Variants in ZNG1F observed in about 807,000 individuals in gnomAD.
ZNG1F encodes Zn regulated GTPase metalloprotein activator 1F, also known as zinc-regulated GTPase metalloprotein activator 1F.
At chr9:41,174,150 A>T in the ZNG1F span, 6 of 545,382 alleles carry the variant, frequency 1.1e-5, no homozygotes, top group Admixed American at 1.9e-4. Context: ...TGAACCCAGG[A>T]GGTAAAGGTT....
the ZNG1F span, among the ~76,000 whole-genome samples, chr9:41,187,203 T>C: frequency 3.5e-5 from 5 of 141,460 alleles, no homozygotes; most frequent in Non-Finnish European, 4.7e-5. Flanking sequence ...TGCTGGGCCT[T>C]GGTGAAAAAG....
the ZNG1F span, among the ~76,000 whole-genome samples, chr9:41,139,850 A>T: frequency 4.0e-5 from 6 of 151,736 alleles, no homozygotes; most frequent in African/African-American, 1.5e-4. Context: ...ACTAAGTGAA[A>T]TAAGCCAGTC....
At chr9:41,141,956 TACTC>T in the ZNG1F span, among the ~76,000 whole-genome samples, 3 of 139,008 alleles carry the variant, frequency 2.2e-5, no homozygotes, top group Non-Finnish European at 4.7e-5. Flanking sequence ...TTCTGATCCA[TACTC>T]AGTCAGACAG....
the ZNG1F span, among the ~76,000 whole-genome samples, chr9:41,146,571 A>G: frequency 5.2e-5 from 1 of 19,248 alleles, no homozygotes; most frequent in African/African-American, 1.0e-4. Context: ...ATCGGAAATC[A>G]TCTTGCACAT....
chr9:41,204,388 T>TTATATATATATATA, the ZNG1F span, among the ~76,000 whole-genome samples: 10 of 20,216 alleles, frequency 4.9e-4, no homozygotes, highest in African/African-American at 7.3e-4. Context: ...AATTTTTATT[T>TTATATATATATATA]TATATATATA....
the ZNG1F span, chr9:41,145,547 T>C: frequency 1.6e-6 from 1 of 608,334 alleles, no homozygotes; most frequent in Non-Finnish European, 2.7e-6. Context: ...CACATTCATA[T>C]ATATACATAT....
At chr9:41,141,202 A>T in the ZNG1F span, among the ~76,000 whole-genome samples, 2 of 151,706 alleles carry the variant, frequency 1.3e-5, no homozygotes, top group Non-Finnish European at 2.9e-5. Context: ...AACTCTTTTC[A>T]TGTTAGAAAA....
At chr9:41,132,194 T>C in the ZNG1F span, 12 of 1,595,884 alleles carry the variant, frequency 7.5e-6, 1 homozygote, top group African/African-American at 1.4e-5. Flanking sequence ...TATTTTTCAC[T>C]TTGTTTCAAA....
chr9:41,174,210 A>T, the ZNG1F span: 1 of 1,368,906 alleles, frequency 7.3e-7, no homozygotes, highest in African/African-American at 1.7e-5. Flanking sequence ...CAGTCTGGGC[A>T]ACAAAGTGAG....
chr9:41,201,381 T>A, the ZNG1F span, among the ~76,000 whole-genome samples: 1 of 129,768 alleles, frequency 7.7e-6, no homozygotes, highest in Non-Finnish European at 1.6e-5. Context: ...ACAGAGACAA[T>A]GGGGGAAGAG....
At chr9:41,139,549 G>A in the ZNG1F span, among the ~76,000 whole-genome samples, 5 of 149,688 alleles carry the variant, frequency 3.3e-5, no homozygotes, top group African/African-American at 1.2e-4. Context: ...CCAAAAACAT[G>A]AGATATTTAA....
the ZNG1F span, among the ~76,000 whole-genome samples, chr9:41,139,575 G>A: frequency 6.6e-6 from 1 of 150,586 alleles, no homozygotes; most frequent in South Asian, 2.1e-4. Flanking sequence ...ACTGTTACTA[G>A]TAATAGGAAA....
chr9:41,149,738 C>T, the ZNG1F span, among the ~76,000 whole-genome samples: 2 of 151,060 alleles, frequency 1.3e-5, no homozygotes, highest in African/African-American at 4.9e-5. Context: ...GTGAAACGTT[C>T]CAGAGATCTG....
chr9:41,189,881 CATT>C, the ZNG1F span, among the ~76,000 whole-genome samples: 1 of 66,486 alleles, frequency 1.5e-5, no homozygotes. Context: ...ACTTTTTTCT[CATT>C]ATTTATTTGG....
At chr9:41,140,080 TA>T in the ZNG1F span, among the ~76,000 whole-genome samples, 1 of 143,124 alleles carries the variant, frequency 7.0e-6, no homozygotes, top group Admixed American at 7.3e-5. Context: ...ATTGTACCCT[TA>T]AAAATTTGTG....
chr9:41,155,997 T>TA, the ZNG1F span, among the ~76,000 whole-genome samples: 3 of 117,502 alleles, frequency 2.6e-5, no homozygotes, highest in African/African-American at 6.4e-5. Flanking sequence ...TAAATAAATT[T>TA]AAAAAAATCT....
chr9:41,183,558 C>A, the ZNG1F span: 1 of 1,588,734 alleles, frequency 6.3e-7, no homozygotes, highest in South Asian at 1.1e-5. Flanking sequence ...TAAACACATT[C>A]CTCACTTCAC....
At chr9:41,137,339 TTGATA>T in the ZNG1F span, among the ~76,000 whole-genome samples, 1 of 145,074 alleles carries the variant, frequency 6.9e-6, no homozygotes, top group South Asian at 2.2e-4. Flanking sequence ...GAGAAAGTGC[TTGATA>T]TAATTTTAAT....
chr9:41,158,241 G>A, the ZNG1F span: 1 of 92,828 alleles, frequency 1.1e-5, no homozygotes, highest in Non-Finnish European at 2.3e-5. Flanking sequence ...TTGAACCCAG[G>A]AGGCAGAGGT....
Sources: allele counts gnomAD v4.1 joint callset (sites outside exome capture counted in the v4.1 genomes callset), GRCh38; gene constraint gnomAD v4.1.1; transcripts MANE v1.5; gene names NCBI Gene and HGNC (gene_info 2026-07-23, HGNC 2026-07-21).